CAMTA1: variants seen among roughly 807,000 people sequenced by gnomAD.
CAMTA1 encodes calmodulin-binding transcription activator 1.
Under a neutral mutation model 170.9 loss-of-function variants are expected in CAMTA1, and 27 were observed. That is an observed-to-expected ratio of 0.16 (90% confidence interval 0.12 to 0.22). The LOEUF (loss-of-function observed/expected upper bound fraction) is 0.22, where lower values mean the gene tolerates loss of function less well. CAMTA1 is among the 10% of genes least tolerant of loss of function. The pLI is 1.00. For missense variants in CAMTA1, 1,619 were observed against 2,217.2 expected, an observed-to-expected ratio of 0.73 and a Z score of 5.42; for synonymous variants, 833 against 891.5, an observed-to-expected ratio of 0.93 and a Z score of 1.17.
chr1:6,912,891 G>C lies in CAMTA1; in HGVS notation c.234+87681G>C, dbSNP rs554203253. Among the ~76,000 whole-genome samples, 5 of 152,340 alleles carry C rather than the reference G, an allele frequency of 3.3e-5. No homozygotes were observed. In the South Asian group the frequency reaches 1.0e-3, roughly 32 times the overall value. On this transcript the variant is annotated intron_variant, in intron 3 of 22. Transcript: ENST00000303635. Reference sequence around the variant, plus strand: ...CCACTGTGTGGGGAGGGAAGCTTGGGCACCAGGAGGTTGTGTGGCCAGTCA... The same window carrying C: ...CCACTGTGTGGGGAGGGAAGCTTGGCCACCAGGAGGTTGTGTGGCCAGTCA...
intron 3 of CAMTA1, among the ~76,000 whole-genome samples, chr1:6,857,143 C>T (rs762727296): frequency 6.6e-6 from 1 of 152,172 alleles, no homozygotes; most frequent in Non-Finnish European, 1.5e-5. Context: ...GTTGAGAGAC[C>T]ACTGGGTGCA....
rs2096942232 is a variant in CAMTA1, at chr1:7,757,821, A to AAT, written c.4989+2154_4989+2155insTA. On this transcript the variant is annotated intron_variant, in intron 22 of 22. Coordinates refer to ENST00000303635, the MANE Select transcript of CAMTA1 (RefSeq NM_015215.4). ...TTATTTAAAACTATAAATAATTGCT[A>AAT]AAGGAAAAATTTGTTTTTTGGGGGA... 5.9e-5 allele frequency among the ~76,000 whole-genome samples: 9 copies of AAT among 152,350 alleles called. No homozygotes were observed. The South Asian group carries it at 1.7e-3, about 28-fold the overall frequency.
At chr1:7,563,300 A>G (rs929854569) in intron 6 of CAMTA1, among the ~76,000 whole-genome samples, 2 of 151,908 alleles carry the variant, frequency 1.3e-5, no homozygotes, top group African/African-American at 4.8e-5. Flanking sequence ...GACTGGCCCA[A>G]CTCCTTACGG....
At chr1:6,886,021 ATC>A (rs1319913690) in intron 3 of CAMTA1, among the ~76,000 whole-genome samples, 6 of 151,970 alleles carry the variant, frequency 3.9e-5, no homozygotes, top group African/African-American at 1.5e-4. Context: ...ATTGTGATTT[ATC>A]TCTGTTGGTG....
intron 5 of CAMTA1, among the ~76,000 whole-genome samples, chr1:7,274,966 AC>A: frequency 6.6e-6 from 1 of 152,122 alleles, no homozygotes; most frequent in South Asian, 2.1e-4. Flanking sequence ...ACATGGTGAA[AC>A]CCCATCTCTA....
chr1:7,326,978 G>A (rs2082722287), intron 5 of CAMTA1, among the ~76,000 whole-genome samples: 2 of 152,152 alleles, frequency 1.3e-5, no homozygotes, highest in Admixed American at 6.5e-5. Context: ...AAAAAAGGAT[G>A]AAGAAGGAGG....
intron 3 of CAMTA1, among the ~76,000 whole-genome samples, chr1:7,043,914 C>T (rs1704920487): frequency 2.0e-5 from 3 of 152,278 alleles, no homozygotes; most frequent in East Asian, 1.9e-4. Flanking sequence ...ATGTGATCTC[C>T]GCAGGGGGCC....
At chr1:7,563,806 A>G (rs2094995682) in intron 6 of CAMTA1, among the ~76,000 whole-genome samples, 1 of 152,198 alleles carries the variant, frequency 6.6e-6, no homozygotes, top group African/African-American at 2.4e-5. Context: ...TTACCCAGCA[A>G]ATATTATTGT....
intron 11 of CAMTA1, among the ~76,000 whole-genome samples, chr1:7,707,299 G>A (rs963891921): frequency 1.3e-5 from 2 of 152,188 alleles, no homozygotes; most frequent in African/African-American, 4.8e-5. Context: ...ATAACAAGTG[G>A]AACTGAGTAT....
intron 5 of CAMTA1, among the ~76,000 whole-genome samples, chr1:7,447,557 T>C (rs531323151): frequency 2.1e-4 from 32 of 152,168 alleles, no homozygotes; most frequent in African/African-American, 7.5e-4. Flanking sequence ...GGTCCCTGGC[T>C]CTGCTCACCT....
chr1:7,497,499 A>G (rs1235426190), intron 6 of CAMTA1, among the ~76,000 whole-genome samples: 1 of 152,174 alleles, frequency 6.6e-6, no homozygotes, highest in African/African-American at 2.4e-5. Flanking sequence ...CATGCTGGCA[A>G]TCTCTTTTGG....
intron 5 of CAMTA1, among the ~76,000 whole-genome samples, chr1:7,418,960 A>ATCAGG (rs2091381844): frequency 6.6e-6 from 1 of 152,176 alleles, no homozygotes; most frequent in Non-Finnish European, 1.5e-5. Context: ...CACAGGTCAG[A>ATCAGG]TCAGGTCACT....
At chr1:7,139,598 A>G (rs1645776645) in intron 4 of CAMTA1, among the ~76,000 whole-genome samples, 1 of 151,992 alleles carries the variant, frequency 6.6e-6, no homozygotes, top group Non-Finnish European at 1.5e-5. Context: ...ACTTTTCCAC[A>G]CAGTTTTCCC....
intron 5 of CAMTA1, among the ~76,000 whole-genome samples, chr1:7,310,713 T>C (rs1676554278): frequency 1.4e-5 from 1 of 72,162 alleles, no homozygotes; most frequent in Non-Finnish European, 2.4e-5. Flanking sequence ...TTTCTTTCTT[T>C]CTTTCTTTCT....
At chr1:7,319,913 A>T (rs546360861) in intron 5 of CAMTA1, among the ~76,000 whole-genome samples, 46 of 152,088 alleles carry the variant, frequency 3.0e-4, no homozygotes, top group Non-Finnish European at 5.1e-4. Context: ...TATGGCTGCC[A>T]ATACGGAGAA....
intron 5 of CAMTA1, among the ~76,000 whole-genome samples, chr1:7,401,695 T>G (rs2089917595): frequency 6.6e-6 from 1 of 152,232 alleles, no homozygotes; most frequent in Non-Finnish European, 1.5e-5. Context: ...CATCCAGATC[T>G]TAAACATATT....
intron 3 of CAMTA1, among the ~76,000 whole-genome samples, chr1:7,076,870 G>C (rs1046914370): frequency 6.6e-5 from 10 of 152,192 alleles, no homozygotes; most frequent in Admixed American, 6.5e-4. Context: ...TAAAATTCAT[G>C]AATTCTCCTC....
intron 5 of CAMTA1, among the ~76,000 whole-genome samples, chr1:7,442,633 G>A (rs565166206): frequency 5.9e-5 from 9 of 152,280 alleles, no homozygotes; most frequent in Admixed American, 2.0e-4. Context: ...CTGCCTCCAT[G>A]GTTTACTCAA....
intron 6 of CAMTA1, among the ~76,000 whole-genome samples, chr1:7,484,808 G>T (rs960509178): frequency 6.6e-6 from 1 of 151,976 alleles, no homozygotes; most frequent in African/African-American, 2.4e-5. Flanking sequence ...AAAAATCGTG[G>T]CTGTTGTCAT....
Sources: gnomAD v4.1 joint callset for allele counts (sites outside exome capture counted in the v4.1 genomes callset) on GRCh38, gnomAD v4.1.1 for gene constraint, MANE v1.5 for transcripts, NCBI Gene and HGNC (gene_info 2026-07-23, HGNC 2026-07-21) for gene names.